The following LRRC58 variants were observed in gnomAD, a reference collection of about 807,000 sequenced individuals.
The protein encoded by LRRC58 is leucine rich repeat containing 58, also known as leucine-rich repeat-containing protein 58.
In LRRC58, 18 loss-of-function variants were observed where a neutral mutation model predicts 30.6. The ratio of observed to expected loss-of-function variants is 0.59; its 90% CI spans 0.41 to 0.87. The LOEUF (loss-of-function observed/expected upper bound fraction) is 0.87, where lower values mean the gene tolerates loss of function less well. LRRC58 is among the 40% of genes least tolerant of loss of function. LRRC58 has a pLI of 0.00. For missense variants in LRRC58, 420 were observed against 468.4 expected (o/e 0.90, Z 0.95); for synonymous variants, 221 against 206.0 (o/e 1.07, Z -0.62).
At chr3:120,336,267 A>G (rs1224232978) in intron 1 of LRRC58, among the ~76,000 whole-genome samples, 1 of 152,234 alleles carries the variant, frequency 6.6e-6, no homozygotes, top group Non-Finnish European at 1.5e-5. Flanking sequence ...AAGGAAGATA[A>G]AAGTTTTAAA....
At chr3:120,341,533 T>C (rs764888438) in intron 1 of LRRC58, among the ~76,000 whole-genome samples, 13 of 152,148 alleles carry the variant, frequency 8.5e-5, no homozygotes, top group Non-Finnish European at 1.3e-4. Context: ...CCAAAATTCA[T>C]GTTGAAACCC....
Position 120,335,828 on chromosome 3 carries a change from G to T in LRRC58, c.626C>A (p.Ser209Ter). Residue 209 changes from serine (S) to a stop codon, truncating the protein, a stop_gained, in exon 2 of 4, where the codon TCA (serine) becomes TAA (stop). Coordinates refer to ENST00000295628, the MANE Select transcript of LRRC58 (RefSeq NM_001099678.2). LOFTEE classifies it high-confidence loss of function. Reference sequence around the variant, plus strand: ...ACAAATGCCTGGAACTACTCACTGTGAAAGTTGAGGAGGTATGCTTTGGAT... The same window carrying T: ...ACAAATGCCTGGAACTACTCACTGTTAAAGTTGAGGAGGTATGCTTTGGAT... ...NKIQSIPPQLSQLHSLRSLSL... is the reference protein window; with the variant it reads ...NKIQSIPPQL 6.2e-7 allele frequency: 1 copy of T among 1,610,630 alleles called. No individual in the cohort carries two copies. Among genetic ancestry groups the T allele is most frequent in the South Asian group, 1.1e-5 (1 of 90,810 alleles).
At chr3:120,334,052 T>C (rs759758681) in intron 3 of LRRC58, among the ~76,000 whole-genome samples, 1 of 152,246 alleles carries the variant, frequency 6.6e-6, no homozygotes, top group Non-Finnish European at 1.5e-5. Context: ...CATAATTCTC[T>C]TCAAATGCTC....
At position 120,328,147 on chromosome 3, in the gene LRRC58, T is replaced by C. The variant is rs1935707605; in HGVS notation, c.*3053A>G. ...AGAAGTAAAATATAACCAGTCGCCT[T>C]TGGATTTACCTCCACTACTCAAATA... On this transcript the variant is annotated 3_prime_UTR_variant, in exon 4 of 4. Coordinates refer to ENST00000295628, the MANE Select transcript of LRRC58 (RefSeq NM_001099678.2). 6.6e-6 allele frequency: 1 copy of C among 152,188 alleles called. No homozygotes were observed. The highest frequency in any genetic ancestry group is 1.5e-5 in the Non-Finnish European group (1 of 68,036). The allele number at this position is 152,188 out of a possible 1,614,324, so 9.4% of individuals were successfully genotyped here.
intron 1 of LRRC58, among the ~76,000 whole-genome samples, chr3:120,345,173 A>T (rs1935952994): frequency 6.6e-6 from 1 of 152,208 alleles, no homozygotes; most frequent in Non-Finnish European, 1.5e-5. Context: ...GAAAACATAG[A>T]TATCTTGCTA....
chr3:120,335,730 AT>A, intron 2 of LRRC58, 94 bp downstream of exon 2: 3 of 1,070,068 alleles, frequency 2.8e-6, no homozygotes, highest in Non-Finnish European at 2.7e-6. Flanking sequence ...AGAATATCTA[AT>A]TCTTTTCTAC....
At chr3:120,335,977 C>CA in intron 1 of LRRC58, 24 bp from the exon 2 acceptor site, 2 of 1,496,612 alleles carry the variant, frequency 1.3e-6, no homozygotes, top group Non-Finnish European at 9.2e-7. Flanking sequence ...TGAACAAAAC[C>CA]AAAAAAGTAA....
Position 120,328,744 on chromosome 3 carries a change from C to G in LRRC58, c.*2456G>C, listed in dbSNP as rs1287068586. ...GAAAAGGAAAGGTAGGAAAAAGAAA[C>G]AGGGAAAATCTTAGAAATTATTAGC... On this transcript the variant is annotated 3_prime_UTR_variant, in exon 4 of 4. Coordinates refer to ENST00000295628, the MANE Select transcript of LRRC58 (RefSeq NM_001099678.2). 1.3e-5 allele frequency: 2 copies of G among 152,084 alleles called. No homozygotes were observed. The highest frequency in any genetic ancestry group is 3.9e-4 in the East Asian group (2 of 5,194). The allele number at this position is 152,084 out of a possible 1,614,324, so 9.4% of individuals were successfully genotyped here. A position where few individuals can be genotyped will look rare whatever the true frequency, so the allele number is the denominator to read the frequency against.
In LRRC58 at chr3:120,349,136, C is replaced by CCCCGCGCCTCGCGCCGCTCCTCT; in HGVS notation, c.107_108insAGAGGAGCGGCGCGAGGCGCGGG (p.Gly41GlufsTer43). On this transcript the variant is annotated frameshift_variant, in exon 1 of 4. Coordinates refer to ENST00000295628, the MANE Select transcript of LRRC58 (RefSeq NM_001099678.2). LOFTEE classifies it high-confidence loss of function. The stretch of plus-strand genomic sequence containing the variant: ...CCTCCCGCGCCCCGCGCCGCTCCTC[C>CCCCGCGCCTCGCGCCGCTCCTCT]CCCCGCGCCTCCAGCTCAGACTCCA... The CCCCGCGCCTCGCGCCGCTCCTCT allele has an allele frequency of 6.6e-7, 1 of 1,504,822 alleles. No individual in the cohort carries two copies. Among genetic ancestry groups the CCCCGCGCCTCGCGCCGCTCCTCT allele is most frequent in the African/African-American group, 1.4e-5 (1 of 69,096 alleles). The allele number at this position is 1,504,822 out of a possible 1,614,324, so 93.2% of individuals were successfully genotyped here.
At chr3:120,348,318 C>G (rs1444394350) in intron 1 of LRRC58, among the ~76,000 whole-genome samples, 1 of 152,118 alleles carries the variant, frequency 6.6e-6, no homozygotes, top group Non-Finnish European at 1.5e-5. Context: ...GAGGAAGCTG[C>G]AAATGTAGTG....
At chr3:120,333,264 A>G (rs145758778) in intron 3 of LRRC58, among the ~76,000 whole-genome samples, 6 of 152,360 alleles carry the variant, frequency 3.9e-5, no homozygotes, top group African/African-American at 1.4e-4. Flanking sequence ...CATTAAGGAA[A>G]TATTTAAGAG....
Position 120,324,740 on chromosome 3 carries a change from CTTT to C in LRRC58, c.*6457_*6459del, listed in dbSNP as rs1258333537. 6.6e-6 allele frequency: 1 copy of C among 152,026 alleles called. No individual in the cohort carries two copies. The highest frequency in any genetic ancestry group is 2.4e-5 in the African/African-American group (1 of 41,402). 9.4% of individuals were successfully genotyped at this position (152,026 alleles called of 1,614,324 possible). On this transcript the variant is annotated 3_prime_UTR_variant, in exon 4 of 4. Coordinates refer to ENST00000295628, the MANE Select transcript of LRRC58 (RefSeq NM_001099678.2). Reference sequence around the variant, plus strand: ...GTAGAATTGAAGTAGCCCATATATTCTTTTAAGAGCATTTAGCATTACAAGGCA... The same window carrying C: ...GTAGAATTGAAGTAGCCCATATATTCTAAGAGCATTTAGCATTACAAGGCA...
chr3:120,341,461 G>A (rs1003088097), intron 1 of LRRC58, among the ~76,000 whole-genome samples: 1 of 152,226 alleles, frequency 6.6e-6, no homozygotes, highest in African/African-American at 2.4e-5. Context: ...CTGAGGGCAA[G>A]TGTAAATATT....
At chr3:120,341,434 A>T (rs1935903274) in intron 1 of LRRC58, among the ~76,000 whole-genome samples, 1 of 152,216 alleles carries the variant, frequency 6.6e-6, no homozygotes, top group Non-Finnish European at 1.5e-5. Flanking sequence ...AATAAAGTAA[A>T]AAAAGGAAGA....
chr3:120,334,747 A>G, intron 3 of LRRC58, 115 bp downstream of exon 3: 2 of 987,090 alleles, frequency 2.0e-6, no homozygotes, highest in Non-Finnish European at 2.9e-6. Context: ...CTTTCTCATA[A>G]ATGAGTGAAA....
At chr3:120,348,379 T>C (rs2107629310) in intron 1 of LRRC58, among the ~76,000 whole-genome samples, 1 of 152,304 alleles carries the variant, frequency 6.6e-6, no homozygotes, top group Middle Eastern at 3.4e-3. Context: ...CAAAGGCACG[T>C]ACTTTGATCT....
intron 1 of LRRC58, among the ~76,000 whole-genome samples, chr3:120,342,000 G>C (rs1413920120): frequency 1.3e-5 from 2 of 152,130 alleles, no homozygotes; most frequent in African/African-American, 4.8e-5. Context: ...TATCTCTGCA[G>C]CCTGCACCCT....
At chr3:120,343,569 T>A (rs781598441) in intron 1 of LRRC58, among the ~76,000 whole-genome samples, 20 of 152,226 alleles carry the variant, frequency 1.3e-4, no homozygotes, top group Non-Finnish European at 2.6e-4. Context: ...ACCTTAAAAT[T>A]GTCTCTTGAA....
Position 120,324,973 on chromosome 3 carries a change from T to C in LRRC58, c.*6227A>G, listed in dbSNP as rs1420634557. 2.6e-5 allele frequency: 4 copies of C among 152,206 alleles called. No homozygotes were observed. Among genetic ancestry groups the C allele is most frequent in the Admixed American group, 1.3e-4 (2 of 15,278 alleles). The allele number at this position is 152,206 out of a possible 1,614,324, so 9.4% of individuals were successfully genotyped here. A position where few individuals can be genotyped will look rare whatever the true frequency, so the allele number is the denominator to read the frequency against. On this transcript the variant is annotated 3_prime_UTR_variant, in exon 4 of 4. Coordinates refer to ENST00000295628, the MANE Select transcript of LRRC58 (RefSeq NM_001099678.2). ...AAGTAATTTGACCCAAGTAAAAGTA[T>C]GTTTTCAGTACCCTTCGTTAATACT...
Sources: allele counts gnomAD v4.1 joint callset (sites outside exome capture counted in the v4.1 genomes callset), GRCh38; gene constraint gnomAD v4.1.1; transcripts MANE v1.5; gene names NCBI Gene and HGNC (gene_info 2026-07-23, HGNC 2026-07-21).